The following ECPAS variants were observed in gnomAD, a reference collection of about 807,000 sequenced individuals.
ECPAS encodes Ecm29 proteasome adaptor and scaffold, also known as proteasome adapter and scaffold protein ECM29.
In ECPAS, 70 loss-of-function variants were observed where a neutral mutation model predicts 255.1. The observed-to-expected ratio is 0.27, with a 90% CI of 0.23 to 0.33. The LOEUF is 0.33. ECPAS is among the 10% of genes least tolerant of loss of function. The probability of loss-of-function intolerance (pLI) is 1.00; values close to 1 mark genes in which losing one functional copy is unlikely to be tolerated. For synonymous variants in ECPAS, 784 were observed against 775.0 expected, an observed-to-expected ratio of 1.01 and a Z score of -0.19; for missense variants, 1,817 against 2,206.4, an observed-to-expected ratio of 0.82 and a Z score of 3.54.
intron 38 of ECPAS, 66 bp downstream of exon 38, chr9:111,375,047 G>A: frequency 1.8e-6 from 2 of 1,122,918 alleles, no homozygotes; most frequent in East Asian, 2.4e-5. Context: ...AAACATGATG[G>A]CTGTTATATC....
At chr9:111,412,955 C>CA (rs879597865) in intron 20 of ECPAS, among the ~76,000 whole-genome samples, 69 of 145,230 alleles carry the variant, frequency 4.8e-4, no homozygotes, top group South Asian at 1.3e-3. Context: ...AACACTTATA[C>CA]AAAAAAAAAA....
At chr9:111,370,962 C>G (rs930441306) in intron 43 of ECPAS, among the ~76,000 whole-genome samples, 197 bp from the exon 44 acceptor site, 5 of 152,158 alleles carry the variant, frequency 3.3e-5, no homozygotes, top group African/African-American at 1.2e-4. Flanking sequence ...GGATAATTAT[C>G]TTCACCTCCA....
chr9:111,419,321 C>G (rs765598892), intron 16 of ECPAS, among the ~76,000 whole-genome samples: 25 of 152,142 alleles, frequency 1.6e-4, no homozygotes, highest in Middle Eastern at 3.4e-3. Context: ...AAATTCTAAA[C>G]GTTAAATGTA....
At chr9:111,393,879 C>A in intron 26 of ECPAS, 145 bp from the exon 27 acceptor site, 1 of 696,438 alleles carries the variant, frequency 1.4e-6, no homozygotes, top group Non-Finnish European at 2.4e-6. Context: ...TACAGGTGGC[C>A]CAAATCACCT....
At chr9:111,436,901 C>T in intron 7 of ECPAS, 39 bp downstream of exon 7, 4 of 1,512,748 alleles carry the variant, frequency 2.6e-6, no homozygotes, top group African/African-American at 1.4e-5. Flanking sequence ...GGAAAGTGTC[C>T]ACAATCAACT....
chr9:111,431,101 C>A (rs2098229257), intron 8 of ECPAS, among the ~76,000 whole-genome samples: 3 of 152,172 alleles, frequency 2.0e-5, no homozygotes. Flanking sequence ...AGGAAGCTTG[C>A]AAGCCACCGT....
At chr9:111,451,600 A>G (rs372778227) in intron 2 of ECPAS, 45 bp from the exon 3 acceptor site, 2 of 1,490,372 alleles carry the variant, frequency 1.3e-6, no homozygotes, top group Admixed American at 2.6e-5. Context: ...CAAGCCAAAC[A>G]CAACCAAGAC....
rs997106123 is a variant in ECPAS, at chr9:111,451,401, C to T, written c.153+24G>A. The T allele has an allele frequency of 2.6e-6, 4 of 1,554,272 alleles. No individual in the cohort carries two copies. In the East Asian group the frequency reaches 9.5e-5, roughly 37 times the overall value. ...TATTCATTTATTCATCATTTAATTC[C>T]CCCAGCTGTCCCAACATGCTTACCT... On this transcript the variant is annotated intron_variant, in intron 3 of 49. Transcript: ENST00000684092.
chr9:111,389,331 A>G (rs2098155562), intron 31 of ECPAS, among the ~76,000 whole-genome samples: 1 of 152,236 alleles, frequency 6.6e-6, no homozygotes, highest in Non-Finnish European at 1.5e-5. Context: ...CCATCTTCCC[A>G]GTGGACATTT....
chr9:111,397,075 G>A lies in ECPAS; in HGVS notation c.2731C>T (p.Arg911Ter). The change falls in exon 25 of 50, where the codon CGA becomes TGA. Residue 911 changes from arginine (R) to a stop codon, truncating the protein, a stop_gained. Transcript: ENST00000684092. LOFTEE classifies it high-confidence loss of function. Reference sequence around the variant, plus strand: ...TCTTCAGTCATTTGCCAGGCATCTCGGGCAGCCACAGAACTAGTTCCTATT... The same window carrying A: ...TCTTCAGTCATTTGCCAGGCATCTCAGGCAGCCACAGAACTAGTTCCTATT... ...AAIGTSSVAA[R>*]DAWQMTEEEY... is the part of the protein sequence containing the mutation. 6.2e-7 allele frequency: 1 copy of A among 1,613,874 alleles called. No individual in the cohort carries two copies. Among genetic ancestry groups the A allele is most frequent in the Non-Finnish European group, 8.5e-7 (1 of 1,179,812 alleles).
At position 111,372,455 on chromosome 9, in the gene ECPAS, G is replaced by T. The variant is rs779274948; in HGVS notation, c.4502C>A (p.Thr1501Asn). The change falls in exon 42 of 50, where the codon ACC becomes AAC. Residue 1501 changes from threonine to asparagine, a missense_variant. By Grantham distance (65) the Thr-to-Asn change is moderately conservative. Coordinates refer to ENST00000684092, the MANE Select transcript of ECPAS (RefSeq NM_001364929.1). ...KSEKEECNLW[T>N]EVWQENVPGS... ...AGGTACGTTTTCCTGCCACACTTCG[G>T]TCCATAAATTACATTCTTCTTTTTC... 20 of 1,613,640 alleles carry T rather than the reference G, an allele frequency of 1.2e-5. No homozygotes were observed. In the East Asian group the frequency reaches 4.5e-4, roughly 36 times the overall value.
In ECPAS at chr9:111,465,424, G is replaced by C. The variant is rs564958743; in HGVS notation, c.22+7473C>G. Among the ~76,000 whole-genome samples the C allele has an allele frequency of 4.6e-5, 7 of 151,478 alleles. No homozygotes were observed. In the South Asian group the frequency reaches 1.3e-3, roughly 27 times the overall value. ...GCATGGTGGCGGGCGCCTGTAATCC[G>C]AGCTACTCGGGAAGTTGAGGCAGGA... On this transcript the variant is annotated intron_variant, in intron 2 of 49. Transcript: ENST00000684092.
intron 1 of ECPAS, chr9:111,483,431 T>G: frequency 1.2e-6 from 1 of 820,870 alleles, no homozygotes. Flanking sequence ...CCAGCCCTCA[T>G]GCGGCCGCCG....
chr9:111,366,795 AT>A (rs1254075437), intron 46 of ECPAS, among the ~76,000 whole-genome samples, 168 bp from the exon 47 acceptor site: 9 of 152,204 alleles, frequency 5.9e-5, no homozygotes, highest in Non-Finnish European at 1.2e-4. Context: ...AAATAAAACA[AT>A]AAATACTTTT....
At chr9:111,403,368 A>G (rs138238396) in intron 24 of ECPAS, among the ~76,000 whole-genome samples, 1 of 152,168 alleles carries the variant, frequency 6.6e-6, no homozygotes, top group African/African-American at 2.4e-5. Context: ...AAGAAAAAAA[A>G]AAAGACTTCA....
intron 46 of ECPAS, 39 bp from the exon 47 acceptor site, chr9:111,366,666 G>T: frequency 7.5e-7 from 1 of 1,332,184 alleles, no homozygotes; most frequent in Non-Finnish European, 1.1e-6. Context: ...GCAGGAGACA[G>T]TATAAAAGAA....
At chr9:111,434,725 G>A (rs140920698) in intron 7 of ECPAS, among the ~76,000 whole-genome samples, 43 of 151,660 alleles carry the variant, frequency 2.8e-4, no homozygotes, top group African/African-American at 9.9e-4. Flanking sequence ...CAGCAGCTGG[G>A]GCTACAGGCA....
chr9:111,365,539 A>C (rs2098119400), intron 48 of ECPAS: 1 of 152,444 alleles, frequency 6.6e-6, no homozygotes, highest in Non-Finnish European at 1.5e-5. Context: ...GACAGTACAC[A>C]CTTGTAATCC....
intron 35 of ECPAS, among the ~76,000 whole-genome samples, chr9:111,380,500 C>A (rs1468180268): frequency 6.6e-6 from 1 of 152,172 alleles, no homozygotes; most frequent in Non-Finnish European, 1.5e-5. Context: ...ATTCTTAAGG[C>A]TTTAGGATTT....
Sources: allele counts gnomAD v4.1 joint callset (sites outside exome capture counted in the v4.1 genomes callset), GRCh38; gene constraint gnomAD v4.1.1; transcripts MANE v1.5; gene names NCBI Gene and HGNC (gene_info 2026-07-23, HGNC 2026-07-21).